Variants in ANKH observed in about 807,000 individuals in gnomAD.
ANKH encodes the protein ANKH inorganic pyrophosphate transport regulator.
Under a neutral mutation model 49.0 loss-of-function variants are expected in ANKH, and 15 were observed. The ratio of observed to expected loss-of-function variants is 0.31; its 90% CI spans 0.20 to 0.47. The LOEUF (loss-of-function observed/expected upper bound fraction) is 0.47, where lower values mean the gene tolerates loss of function less well. Among genes scored for constraint, ANKH ranks in the 20% least tolerant of loss-of-function variants. ANKH has a pLI of 1.00. For synonymous variants in ANKH, 273 were observed against 260.0 expected, an observed-to-expected ratio of 1.05 and a Z score of -0.48; for missense variants, 429 against 652.0, an observed-to-expected ratio of 0.66 and a Z score of 3.72.
chr5:14,723,885 T>C (rs909530463), intron 8 of ANKH, among the ~76,000 whole-genome samples: 3 of 152,194 alleles, frequency 2.0e-5, no homozygotes, highest in African/African-American at 7.2e-5. Context: ...TTAACCTCTT[T>C]AGAAACTAAC....
intron 2 of ANKH, among the ~76,000 whole-genome samples, chr5:14,760,963 T>TG (rs1159459988): frequency 6.6e-6 from 1 of 152,168 alleles, no homozygotes; most frequent in Non-Finnish European, 1.5e-5. Context: ...CAGATATAAC[T>TG]GGTTAAGATG....
At chr5:14,793,068 T>TAAATATATATA (rs1740252125) in intron 1 of ANKH, among the ~76,000 whole-genome samples, 1 of 91,830 alleles carries the variant, frequency 1.1e-5, no homozygotes, top group Admixed American at 1.5e-4. Context: ...AAAATATATA[T>TAAATATATATA]AAATATATAA....
At chr5:14,779,963 G>A (rs1441681530) in intron 1 of ANKH, among the ~76,000 whole-genome samples, 1 of 152,086 alleles carries the variant, frequency 6.6e-6, no homozygotes, top group Non-Finnish European at 1.5e-5. Flanking sequence ...TGGGATAGAG[G>A]ACAAGCTGTT....
intron 8 of ANKH, among the ~76,000 whole-genome samples, chr5:14,731,023 C>T (rs1047160588): frequency 3.3e-5 from 5 of 152,248 alleles, no homozygotes; most frequent in African/African-American, 1.2e-4. Flanking sequence ...GCCAAGGCAG[C>T]AGCCACCAAG....
chr5:14,865,495 A>G (rs1333555672), intron 1 of ANKH, among the ~76,000 whole-genome samples: 1 of 152,186 alleles, frequency 6.6e-6, no homozygotes, highest in Non-Finnish European at 1.5e-5. Flanking sequence ...TCTCCCTCAC[A>G]GTGACTCGGA....
intron 1 of ANKH, among the ~76,000 whole-genome samples, chr5:14,837,065 T>C (rs548419065): frequency 1.1e-4 from 17 of 152,164 alleles, no homozygotes; most frequent in Admixed American, 1.1e-3. Flanking sequence ...TGGCTAGCCA[T>C]ATGTAGAAAG....
intron 8 of ANKH, among the ~76,000 whole-genome samples, chr5:14,736,710 C>G (rs1448098016): frequency 6.6e-6 from 1 of 152,240 alleles, no homozygotes; most frequent in Non-Finnish European, 1.5e-5. Flanking sequence ...TGTTCTCCCC[C>G]TTCTCTGACT....
chr5:14,747,350 T>C (rs552720393), intron 6 of ANKH, among the ~76,000 whole-genome samples: 5 of 152,080 alleles, frequency 3.3e-5, no homozygotes, highest in African/African-American at 9.6e-5. Context: ...GAGGCCAAGG[T>C]TGGAGAATTG....
At chr5:14,738,624 C>G (rs1272660608) in intron 8 of ANKH, among the ~76,000 whole-genome samples, 1 of 151,934 alleles carries the variant, frequency 6.6e-6, no homozygotes, top group Non-Finnish European at 1.5e-5. Context: ...TACGAAGTTT[C>G]AAAATTCAAA....
At chr5:14,778,856 T>C (rs1739718316) in intron 1 of ANKH, among the ~76,000 whole-genome samples, 1 of 152,146 alleles carries the variant, frequency 6.6e-6, no homozygotes, top group Non-Finnish European at 1.5e-5. Context: ...TGGAAACGAA[T>C]ACACAGCCAC....
Position 14,755,850 on chromosome 5 carries a change from A to T in ANKH, c.516+11T>A. 5 of 1,613,216 alleles carry T rather than the reference A, an allele frequency of 3.1e-6. No individual in the cohort carries two copies. The highest frequency in any genetic ancestry group is 4.2e-6 in the Non-Finnish European group (5 of 1,179,160). On this transcript the variant is annotated intron_variant, in intron 4 of 11. Transcript: ENST00000284268. ...CTGAGGAGCTCTGATTGACACACAG[A>T]CCATATTTACCTGAGCTATGACATC... is the stretch of plus-strand genomic sequence containing the variant.
At chr5:14,753,918 A>AT (rs1738798436) in intron 4 of ANKH, among the ~76,000 whole-genome samples, 1 of 152,200 alleles carries the variant, frequency 6.6e-6, no homozygotes, top group South Asian at 2.1e-4. Context: ...TGCCAAGGTG[A>AT]TATTTCAAAG....
rs772363889 is a variant in ANKH at position 14,758,485 on chromosome 5, C to T, written c.427G>A (p.Ala143Thr). 3.1e-6 allele frequency: 5 copies of T among 1,612,184 alleles called. No homozygotes were observed. The highest frequency in any genetic ancestry group is 4.5e-5 in the East Asian group (2 of 44,868). Residue 143 changes from alanine to threonine, a missense_variant, in exon 3 of 12, where the codon GCA becomes ACA. Around this residue, in one of 2 missense-constraint regions of ANKH, gnomAD observed 378 missense variants for 615.3 expected, o/e 0.61. Coordinates refer to ENST00000284268, the MANE Select transcript of ANKH (RefSeq NM_054027.6). Reference sequence around the variant, plus strand: ...CAACGATCTTCTCTACTCACCATTGCGTCCATGAAAGGAAAGGCGGCGAGG... The same window carrying T: ...CAACGATCTTCTCTACTCACCATTGTGTCCATGAAAGGAAAGGCGGCGAGG... ...LYLAAFPFMD[A>T]MAWTHAGILL...
At chr5:14,716,627 A>G in intron 9 of ANKH, 79 bp downstream of exon 9, 1 of 1,589,418 alleles carries the variant, frequency 6.3e-7, no homozygotes, top group South Asian at 1.1e-5. Flanking sequence ...TGGTGACATA[A>G]TTGCAAACAT....
chr5:14,710,824 C>T lies in ANKH; in HGVS notation c.*373G>A. The T allele has an allele frequency of 3.1e-6, 1 of 319,966 alleles. No individual in the cohort carries two copies. The highest frequency in any genetic ancestry group is 2.8e-5 in the South Asian group (1 of 36,192). The allele number at this position is 319,966 out of a possible 1,614,324, so 19.8% of individuals were successfully genotyped here. Reference sequence around the variant, plus strand: ...GGGGGACAGGAGAGTCTGTGGCCTGCTGTGCAGGGTGACCGAGGCGCGATG... The same window carrying T: ...GGGGGACAGGAGAGTCTGTGGCCTGTTGTGCAGGGTGACCGAGGCGCGATG... On this transcript the variant is annotated 3_prime_UTR_variant, in exon 12 of 12. Transcript: ENST00000284268.
intron 1 of ANKH, among the ~76,000 whole-genome samples, chr5:14,827,888 T>G (rs1741389195): frequency 6.6e-6 from 1 of 152,170 alleles, no homozygotes; most frequent in Admixed American, 6.5e-5. Flanking sequence ...AAATGGTAAC[T>G]TGATTGCCAA....
intron 4 of ANKH, among the ~76,000 whole-genome samples, chr5:14,754,789 A>AT (rs1211313607): frequency 1.3e-5 from 2 of 152,184 alleles, no homozygotes; most frequent in African/African-American, 4.8e-5. Flanking sequence ...ATAGAATAGA[A>AT]ATGAGACTGG....
At chr5:14,840,477 C>A (rs1456003397) in intron 1 of ANKH, among the ~76,000 whole-genome samples, 1 of 152,096 alleles carries the variant, frequency 6.6e-6, no homozygotes, top group Non-Finnish European at 1.5e-5. Context: ...GGATTCAGAG[C>A]TCTACCAAAT....
chr5:14,805,735 AGT>A (rs1740692909), intron 1 of ANKH, among the ~76,000 whole-genome samples: 1 of 151,998 alleles, frequency 6.6e-6, no homozygotes, highest in Non-Finnish European at 1.5e-5. Flanking sequence ...ATGTTATTAA[AGT>A]TGGATGCCTA....
Sources: allele counts gnomAD v4.1 joint callset (sites outside exome capture counted in the v4.1 genomes callset), GRCh38; gene constraint gnomAD v4.1.1; regional missense constraint gnomAD v4.1.1; transcripts MANE v1.5; gene names NCBI Gene and HGNC (gene_info 2026-07-23, HGNC 2026-07-21).